METTL15: variants seen among roughly 807,000 people sequenced by gnomAD.
METTL15 encodes methyltransferase 15, mitochondrial 12S rRNA N4-cytidine.
In METTL15, 34 loss-of-function variants were observed where a neutral mutation model predicts 38.3. The observed-to-expected ratio is 0.89, with a 90% confidence interval of 0.68 to 1.18. The LOEUF (loss-of-function observed/expected upper bound fraction) is 1.18, where lower values mean the gene tolerates loss of function less well. METTL15 is among the 50% of genes most tolerant of loss of function. METTL15 has a pLI of 0.00. For synonymous variants in METTL15, 162 were observed against 170.9 expected (o/e 0.95, Z 0.41); for missense variants, 438 against 498.4 (o/e 0.88, Z 1.15).
At chr11:28,468,100 G>A (rs1851272816) in intron 6 of METTL15, among the ~76,000 whole-genome samples, 1 of 152,100 alleles carries the variant, frequency 6.6e-6, no homozygotes, top group African/African-American at 2.4e-5. Flanking sequence ...TGACATCCTT[G>A]TGCATCTTAA....
chr11:28,272,656 G>A (rs149337573), intron 4 of METTL15, among the ~76,000 whole-genome samples: 4 of 152,134 alleles, frequency 2.6e-5, no homozygotes, highest in East Asian at 1.9e-4. Flanking sequence ...ACCATGGCAC[G>A]TGTATACCTA....
At chr11:28,405,218 T>A (rs1850663856) in intron 5 of METTL15, among the ~76,000 whole-genome samples, 1 of 152,142 alleles carries the variant, frequency 6.6e-6, no homozygotes, top group African/African-American at 2.4e-5. Context: ...CAAAAGCATG[T>A]CATGATGAGA....
rs141023857 is a variant in METTL15, at chr11:28,464,780, A to C, written c.*424+40416A>C. Among the ~76,000 whole-genome samples, 6 of 152,324 alleles carry C rather than the reference A, an allele frequency of 3.9e-5. No individual in the cohort carries two copies. The East Asian group carries it at 1.2e-3, about 29-fold the overall frequency. Reference sequence around the variant, plus strand: ...TCTTTTAGGTTTCCCCTAAAGGCTCAGATCACCAATGAGAACTATTTCCTC... The same window carrying C: ...TCTTTTAGGTTTCCCCTAAAGGCTCCGATCACCAATGAGAACTATTTCCTC... On this transcript the variant is annotated intron_variant and NMD_transcript_variant, in intron 6 of 7. Transcript: ENST00000532947.
chr11:28,361,773 T>C (rs1850141321), intron 4 of METTL15, among the ~76,000 whole-genome samples: 1 of 152,192 alleles, frequency 6.6e-6, no homozygotes, highest in South Asian at 2.1e-4. Context: ...GAGTTTGGGG[T>C]CCCGGAGCCT....
At chr11:28,374,257 G>A (rs1850280491) in intron 5 of METTL15, among the ~76,000 whole-genome samples, 1 of 152,180 alleles carries the variant, frequency 6.6e-6, no homozygotes, top group Middle Eastern at 3.4e-3. Context: ...ACCTTGGGCA[G>A]TATGGCCATT....
intron 3 of METTL15, among the ~76,000 whole-genome samples, chr11:28,186,054 A>G (rs1005144099): frequency 3.3e-5 from 5 of 150,998 alleles, no homozygotes; most frequent in Admixed American, 6.6e-5. Context: ...TAAACATGGT[A>G]TCTTTGGGTT....
intron 5 of METTL15, among the ~76,000 whole-genome samples, chr11:28,384,169 C>A (rs1850416832): frequency 6.6e-6 from 1 of 152,140 alleles, no homozygotes; most frequent in East Asian, 1.9e-4. Flanking sequence ...CAAAGTATTC[C>A]ATGGTGTATA....
At chr11:28,460,802 G>A (rs1851207483) in intron 6 of METTL15, among the ~76,000 whole-genome samples, 1 of 151,984 alleles carries the variant, frequency 6.6e-6, no homozygotes, top group Non-Finnish European at 1.5e-5. Context: ...AAGACAAAGA[G>A]GATTAGGTTT....
At chr11:28,139,760 A>G (rs1329568838) in intron 3 of METTL15, among the ~76,000 whole-genome samples, 1 of 152,164 alleles carries the variant, frequency 6.6e-6, no homozygotes, top group Non-Finnish European at 1.5e-5. Flanking sequence ...AAGGAAAAAA[A>G]AAAAACAAAA....
In METTL15 at chr11:28,330,525, T is replaced by C. The variant is rs1849781827; in HGVS notation, c.908T>C (p.Leu303Pro). ...GAGCTCAATGAACTCTACACGGGACTGAAGACAGCTCAGAAGTTTCTGAGA... is the reference window on the plus strand; with the variant it reads ...GAGCTCAATGAACTCTACACGGGACCGAAGACAGCTCAGAAGTTTCTGAGA... ...NNELNELYTG[L>P]KTAQKFLRPG... Residue 303 changes from leucine (L) to proline (P), a missense_variant, in exon 7 of 7, where the codon CTG becomes CCG. Transcript: ENST00000407364. 2 of 1,551,580 alleles carry C rather than the reference T, an allele frequency of 1.3e-6. No individual in the cohort carries two copies. Among genetic ancestry groups the C allele is most frequent in the African/African-American group, 2.7e-5 (2 of 73,036 alleles).
intron 3 of METTL15, among the ~76,000 whole-genome samples, chr11:28,140,699 C>A (rs1849668301): frequency 6.6e-6 from 1 of 152,092 alleles, no homozygotes; most frequent in Admixed American, 6.5e-5. Context: ...AAGCTCTCAG[C>A]AAAAAGAGGG....
intron 6 of METTL15, among the ~76,000 whole-genome samples, chr11:28,507,351 C>A (rs1019459553): frequency 2.6e-5 from 4 of 152,102 alleles, no homozygotes; most frequent in Non-Finnish European, 4.4e-5. Context: ...TTTAAACAAC[C>A]AGATCTCCTA....
chr11:28,218,088 C>T (rs577196808), intron 4 of METTL15, among the ~76,000 whole-genome samples: 15 of 151,964 alleles, frequency 9.9e-5, no homozygotes, highest in East Asian at 1.9e-4. Flanking sequence ...TTTCCTATTC[C>T]GAGAAGAAAG....
chr11:28,503,488 CAGATAGT>C (rs1014175240), intron 6 of METTL15, among the ~76,000 whole-genome samples: 3 of 152,148 alleles, frequency 2.0e-5, no homozygotes, highest in African/African-American at 7.2e-5. Flanking sequence ...ACCCAGCTAG[CAGATAGT>C]AAAGATTCAG....
chr11:28,210,579 G>A (rs542824343), intron 3 of METTL15, among the ~76,000 whole-genome samples: 1 of 151,578 alleles, frequency 6.6e-6, no homozygotes, highest in South Asian at 2.1e-4. Context: ...GATTTGTCCT[G>A]TGCTTATTTA....
chr11:28,377,055 G>A (rs1850323192), intron 5 of METTL15, among the ~76,000 whole-genome samples: 1 of 132,672 alleles, frequency 7.5e-6, no homozygotes, highest in Non-Finnish European at 1.7e-5. Context: ...GCTTCCCTTT[G>A]AGGGTAACCC....
intron 3 of METTL15, among the ~76,000 whole-genome samples, chr11:28,166,700 A>T (rs892166172): frequency 6.6e-6 from 1 of 152,188 alleles, no homozygotes; most frequent in African/African-American, 2.4e-5. Context: ...CTGTAACCTC[A>T]GCACTTTGGG....
chr11:28,160,428 G>T lies in METTL15; in HGVS notation c.270+46824G>T, dbSNP rs183857649. On this transcript the variant is annotated intron_variant, in intron 3 of 6. Transcript: ENST00000407364. ...TCAGAATTATTTATGTAAAACAATA[G>T]GATTCTACAACTAAAGACCTGGCTT... Among the ~76,000 whole-genome samples the T allele has an allele frequency of 7.9e-5, 12 of 152,108 alleles. No homozygotes were observed. The East Asian group carries it at 1.7e-3, about 22-fold the overall frequency.
intron 6 of METTL15, among the ~76,000 whole-genome samples, chr11:28,461,302 A>G (rs1226469397): frequency 6.6e-6 from 1 of 152,090 alleles, no homozygotes; most frequent in African/African-American, 2.4e-5. Flanking sequence ...AGGAAAGTAG[A>G]TAGGACGTCT....
Sources: allele counts gnomAD v4.1 joint callset (sites outside exome capture counted in the v4.1 genomes callset), GRCh38; gene constraint gnomAD v4.1.1; transcripts MANE v1.5; gene names NCBI Gene and HGNC (gene_info 2026-07-23, HGNC 2026-07-21).